SLC9A8: variants seen among roughly 807,000 people sequenced by gnomAD.
The protein encoded by SLC9A8 is solute carrier family 9 member A8.
SLC9A8 carries 48 observed loss-of-function variants against 66.6 expected under a neutral mutation model. The observed-to-expected ratio is 0.72, with a 90% CI of 0.57 to 0.92. SLC9A8 has a LOEUF of 0.92. Ranked by LOEUF, SLC9A8 falls within the 40% of genes least tolerant of loss-of-function variation. The pLI is 0.00. For missense variants in SLC9A8, 599 were observed against 747.3 expected (o/e 0.80, Z 2.31); for synonymous variants, 274 against 282.6 (o/e 0.97, Z 0.31).
At chr20:49,873,700 G>T (rs187557191) in intron 10 of SLC9A8, among the ~76,000 whole-genome samples, 4 of 149,886 alleles carry the variant, frequency 2.7e-5, no homozygotes, top group African/African-American at 7.4e-5. Context: ...GAACCCAGGA[G>T]GGGGAGGTTG....
At chr20:49,829,952 C>T in intron 3 of SLC9A8, 2 of 594,420 alleles carry the variant, frequency 3.4e-6, no homozygotes, top group Non-Finnish European at 6.7e-6. Flanking sequence ...GCGGGGTCAG[C>T]CCCCAAAGAA....
At chr20:49,838,237 C>T (rs960970787) in intron 3 of SLC9A8, among the ~76,000 whole-genome samples, 2 of 152,130 alleles carry the variant, frequency 1.3e-5, no homozygotes, top group African/African-American at 2.4e-5. Flanking sequence ...GGGCTTTTGT[C>T]TTATTTATGA....
At chr20:49,851,330 A>G (rs898180551) in intron 7 of SLC9A8, among the ~76,000 whole-genome samples, 2 of 151,980 alleles carry the variant, frequency 1.3e-5, no homozygotes, top group African/African-American at 4.8e-5. Flanking sequence ...ATCTGAAGCC[A>G]CTCCCGTGAG....
intron 10 of SLC9A8, among the ~76,000 whole-genome samples, chr20:49,866,839 T>C (rs1417884900): frequency 2.0e-5 from 3 of 152,200 alleles, no homozygotes; most frequent in Non-Finnish European, 4.4e-5. Context: ...TTATTTCCTG[T>C]TGCCGTATCT....
chr20:49,820,402 A>G (rs2086690810), intron 2 of SLC9A8, among the ~76,000 whole-genome samples: 1 of 152,034 alleles, frequency 6.6e-6, no homozygotes, highest in African/African-American at 2.4e-5. Flanking sequence ...AGGCTGAGGC[A>G]CTAGAATCAT....
chr20:49,856,287 G>C (rs2088480387), intron 8 of SLC9A8, among the ~76,000 whole-genome samples: 1 of 152,156 alleles, frequency 6.6e-6, no homozygotes, highest in Non-Finnish European at 1.5e-5. Flanking sequence ...CTGTTCAGGG[G>C]TCAGTGTTTG....
rs769023125 is a variant in SLC9A8 at position 49,845,016 on chromosome 20, T to C, written c.349-20T>C. 6.4e-6 allele frequency: 10 copies of C among 1,551,660 alleles called. No individual in the cohort carries two copies. The Admixed American group carries it at 1.7e-4, about 26-fold the overall frequency. On this transcript the variant is annotated intron_variant, in intron 4 of 15. Transcript: ENST00000361573. The stretch of plus-strand genomic sequence containing the variant: ...TTACACAAATTCCATGCCCTTAAGA[T>C]ACTCATTTTCTATTTACAGGAAGAA...
intron 13 of SLC9A8, among the ~76,000 whole-genome samples, chr20:49,881,426 G>A (rs1306277119): frequency 6.6e-6 from 1 of 152,232 alleles, no homozygotes; most frequent in Non-Finnish European, 1.5e-5. Context: ...CATACCTTAT[G>A]TTAGTTTTGG....
Position 49,815,092 on chromosome 20 carries a change from C to A in SLC9A8, c.111C>A (p.Thr37=). ...TCACGACGAAACTGGTGCTCCCGAC[C>A]CCTGGCAAGCCCATCCTCCCCGTGC... ...LVVTTKLVLP[T]PGKPILPVQT... is the part of the protein sequence containing the mutation. Residue 37 remains threonine (T), a synonymous_variant, in exon 2 of 16, where the codon ACC becomes ACA. Transcript: ENST00000361573. 1 of 1,608,982 alleles carries A rather than the reference C, an allele frequency of 6.2e-7. No homozygotes were observed. The highest frequency in any genetic ancestry group is 8.5e-7 in the Non-Finnish European group (1 of 1,177,890).
intron 8 of SLC9A8, among the ~76,000 whole-genome samples, chr20:49,857,692 C>T (rs189889013): frequency 2.4e-4 from 36 of 152,264 alleles, no homozygotes; most frequent in African/African-American, 8.2e-4. Flanking sequence ...CATTCCAGCC[C>T]GGGCGTCAGA....
chr20:49,882,182 T>C (rs601878), intron 13 of SLC9A8, among the ~76,000 whole-genome samples: 122,215 of 152,188 alleles, frequency 0.8, 49,369 homozygotes, highest in East Asian at 0.91. Context: ...CCCGCAGCTG[T>C]GTCCGCACCT....
chr20:49,826,368 A>G (rs566716334), intron 3 of SLC9A8, among the ~76,000 whole-genome samples: 7 of 152,358 alleles, frequency 4.6e-5, no homozygotes, highest in Non-Finnish European at 1.0e-4. Context: ...TGTGCCAAAA[A>G]AGAATCTAGA....
At chr20:49,871,482 A>AT (rs1431095409) in intron 10 of SLC9A8, among the ~76,000 whole-genome samples, 2 of 152,232 alleles carry the variant, frequency 1.3e-5, no homozygotes, top group Middle Eastern at 3.4e-3. Flanking sequence ...CCTTAAGCGT[A>AT]TTTTTTCAAA....
At chr20:49,828,948 TTTC>T (rs1475229686) in intron 3 of SLC9A8, among the ~76,000 whole-genome samples, 1 of 151,810 alleles carries the variant, frequency 6.6e-6, no homozygotes, top group Non-Finnish European at 1.5e-5. Context: ...TATGCATTTA[TTTC>T]TTTTTAACAC....
intron 10 of SLC9A8, among the ~76,000 whole-genome samples, chr20:49,871,650 C>A (rs1397477513): frequency 6.6e-6 from 1 of 152,158 alleles, no homozygotes; most frequent in East Asian, 1.9e-4. Context: ...GATACTTGAG[C>A]CATCCCTCTG....
Position 49,884,246 on chromosome 20 carries a change from C to CG in SLC9A8, c.1491+180_1491+181insG, listed in dbSNP as rs2089763595. On this transcript the variant is annotated intron_variant, in intron 14 of 15. Transcript: ENST00000361573. ...CACACACACACACACACACACGACA[C>CG]ACACACACACACGACACACACACAC... 17 of 356,294 alleles carry CG rather than the reference C, an allele frequency of 4.8e-5. 1 individual carries two copies. The highest frequency in any genetic ancestry group is 2.9e-4 in the African/African-American group (9 of 30,918). The allele number at this position is 356,294 out of a possible 1,614,324, so 22.1% of individuals were successfully genotyped here.
chr20:49,848,447 G>A (rs1010868736), intron 5 of SLC9A8, among the ~76,000 whole-genome samples: 1 of 117,236 alleles, frequency 8.5e-6, no homozygotes, highest in African/African-American at 2.8e-5. Flanking sequence ...TTCAGCTGAG[G>A]ACACTCTTTC....
At chr20:49,839,092 G>T (rs945064051) in intron 3 of SLC9A8, among the ~76,000 whole-genome samples, 1 of 152,162 alleles carries the variant, frequency 6.6e-6, no homozygotes, top group East Asian at 1.9e-4. Flanking sequence ...TTCAGCATTT[G>T]TGTTTTTCTA....
At position 49,886,327 on chromosome 20, in the gene SLC9A8, C is replaced by G. The variant is rs906124800; in HGVS notation, c.1492-425C>G. The G allele has an allele frequency of 1.3e-5, 2 of 155,396 alleles. No individual in the cohort carries two copies. Among genetic ancestry groups the G allele is most frequent in the African/African-American group, 4.8e-5 (2 of 41,544 alleles). 9.6% of individuals were successfully genotyped at this position (155,396 alleles called of 1,614,324 possible). On this transcript the variant is annotated intron_variant, in intron 14 of 15. Transcript: ENST00000361573. This position sits in a 1 kb window ranked among gnomAD's most constrained non-coding sequence, Gnocchi z 4.8. The stretch of plus-strand genomic sequence containing the variant: ...GATGTGTTCCTCTCCCCTCTCCTCT[C>G]TTGACTTGATTGGCAAAAGCCTGTC...
Sources: gnomAD v4.1 joint callset for allele counts (sites outside exome capture counted in the v4.1 genomes callset) on GRCh38, gnomAD v4.1.1 for gene constraint, Gnocchi (gnomAD v3.1) non-coding constraint, MANE v1.5 for transcripts, NCBI Gene and HGNC (gene_info 2026-07-23, HGNC 2026-07-21) for gene names.